Variants in BRCA1 observed in about 807,000 individuals in gnomAD.
The protein encoded by BRCA1 is breast cancer type 1 susceptibility protein.
A neutral mutation model predicts 173.7 loss-of-function variants in BRCA1; 140 were observed. The observed-to-expected ratio is 0.81, with a 90% CI of 0.70 to 0.93. The LOEUF (loss-of-function observed/expected upper bound fraction) is 0.93, where lower values mean the gene tolerates loss of function less well. Ranked by LOEUF, BRCA1 falls within the 40% of genes least tolerant of loss-of-function variation. The pLI is 0.00. For synonymous variants in BRCA1, 662 were observed against 756.0 expected (o/e 0.88, Z 2.04); for missense variants, 1,983 against 2,172.5 (o/e 0.91, Z 1.73).
chr17:43,095,441 G>A (rs190128845), intron 9 of BRCA1, among the ~76,000 whole-genome samples: 64 of 152,134 alleles, frequency 4.2e-4, no homozygotes, highest in Middle Eastern at 3.4e-3. Flanking sequence ...AATTAACCGG[G>A]TGTGGTGGCA....
chr17:43,114,669 A>T (rs1264601649), intron 3 of BRCA1, among the ~76,000 whole-genome samples: 1 of 152,120 alleles, frequency 6.6e-6, no homozygotes, highest in East Asian at 1.9e-4. Context: ...GTTGTAGGGT[A>T]AGAGGGAAGT....
At chr17:43,101,933 T>C (rs1439094390) in intron 6 of BRCA1, among the ~76,000 whole-genome samples, 1 of 152,008 alleles carries the variant, frequency 6.6e-6, no homozygotes, top group Non-Finnish European at 1.5e-5. Context: ...AAAGATAGGG[T>C]CTCAGTCACC....
chr17:43,045,517 T>C lies in BRCA1; in HGVS notation c.*161A>G. The C allele has an allele frequency of 3.5e-6, 4 of 1,148,944 alleles. No homozygotes were observed. The highest frequency in any genetic ancestry group is 5.1e-6 in the Non-Finnish European group (4 of 783,594). The allele number at this position is 1,148,944 out of a possible 1,614,324, so 71.2% of individuals were successfully genotyped here. On this transcript the variant is annotated 3_prime_UTR_variant, in exon 23 of 23. Transcript: ENST00000357654. Reference sequence around the variant, plus strand: ...CAAGCAGAAAATCTTTAAGGGACCCTTGCATAGCCAGAAGTCCTTTTCAGG... The same window carrying C: ...CAAGCAGAAAATCTTTAAGGGACCCCTGCATAGCCAGAAGTCCTTTTCAGG...
chr17:43,063,595 T>C (rs962224344), intron 17 of BRCA1, among the ~76,000 whole-genome samples: 3 of 152,334 alleles, frequency 2.0e-5, no homozygotes, highest in Admixed American at 6.5e-5. Context: ...CTGCTGCACA[T>C]GGATTCCTGC....
intron 1 of BRCA1, among the ~76,000 whole-genome samples, chr17:43,146,342 T>A (rs1204481060): frequency 7.5e-6 from 1 of 132,680 alleles, no homozygotes; most frequent in Non-Finnish European, 1.6e-5. Context: ...GGAGTCTCAC[T>A]CTGTGGCCAA....
chr17:43,153,213 C>T (rs983400680), intron 1 of BRCA1, among the ~76,000 whole-genome samples: 1 of 152,132 alleles, frequency 6.6e-6, no homozygotes, highest in African/African-American at 2.4e-5. Context: ...TAACATGTTC[C>T]TCTGGAACAG....
rs772703445 is a variant in BRCA1, at chr17:43,091,716, T to C, written c.3815A>G (p.Asn1272Ser). Residue 1272 changes from asparagine to serine, a missense_variant, in exon 10 of 23, where the codon AAC becomes AGC. By Grantham distance (46) the Asn-to-Ser change is conservative. Coordinates refer to ENST00000357654, the MANE Select transcript of BRCA1 (RefSeq NM_007294.4). Reference protein sequence around the residue: ...SLKNSLNDCSNQVILAKASQE... With the variant: ...SLKNSLNDCSSQVILAKASQE... ...AGATGCCTTTGCCAATATTACCTGG[T>C]TACTGCAGTCATTTAAGCTATTCTT... The C allele has an allele frequency of 3.1e-6, 5 of 1,614,256 alleles. No individual in the cohort carries two copies. The Admixed American group carries it at 8.3e-5, about 27-fold the overall frequency.
intron 1 of BRCA1, among the ~76,000 whole-genome samples, chr17:43,143,395 A>G (rs2056093477): frequency 6.6e-6 from 1 of 152,052 alleles, no homozygotes; most frequent in South Asian, 2.1e-4. Context: ...AACTCATGGA[A>G]ACCGATGGGC....
chr17:43,162,788 G>A (rs1057273793), intron 1 of BRCA1: 1 of 152,138 alleles, frequency 6.6e-6, no homozygotes, highest in African/African-American at 2.4e-5. Context: ...GGTGTGACTG[G>A]AGCAGAGCTT....
At chr17:43,079,358 T>C in intron 12 of BRCA1, 1 of 1,597,304 alleles carries the variant, frequency 6.3e-7, no homozygotes, top group Non-Finnish European at 8.5e-7. Context: ...CTAGGCCTTT[T>C]AGAAAACATG....
At chr17:43,091,074 A>G (rs2154260177) in intron 10 of BRCA1, 42 bp from the exon 11 acceptor site, 1 of 1,542,504 alleles carries the variant, frequency 6.5e-7, no homozygotes, top group Non-Finnish European at 8.9e-7. Context: ...AAAGCAGACT[A>G]TAAACGCTGC....
chr17:43,049,299 A>G lies in BRCA1; in HGVS notation c.5333-105T>C, dbSNP rs555270550. 2.0e-4 allele frequency: 194 copies of G among 976,896 alleles called. No individual in the cohort carries two copies. Among genetic ancestry groups the G allele is most frequent in the Middle Eastern group, 4.1e-4 (2 of 4,878 alleles). 60.5% of individuals were successfully genotyped at this position (976,896 alleles called of 1,614,324 possible). A position where few individuals can be genotyped will look rare whatever the true frequency, so the allele number is the denominator to read the frequency against. On this transcript the variant is annotated intron_variant, in intron 20 of 22. Coordinates refer to ENST00000357654, the MANE Select transcript of BRCA1 (RefSeq NM_007294.4). ...TGAAGGCTTATAGCAAGACCTCTCA[A>G]TGGGAGAGTCTGTCTCTCTGCTCCA...
At chr17:43,073,344 T>G (rs1244382705) in intron 14 of BRCA1, among the ~76,000 whole-genome samples, 1 of 152,106 alleles carries the variant, frequency 6.6e-6, no homozygotes, top group African/African-American at 2.4e-5. Flanking sequence ...TCAGCAGATA[T>G]CATTACCAAA....
chr17:43,156,198 C>T (rs1259224995), intron 1 of BRCA1, among the ~76,000 whole-genome samples: 2 of 151,782 alleles, frequency 1.3e-5, no homozygotes, highest in African/African-American at 2.4e-5. Context: ...GATTGTGCCA[C>T]TGTACTCCAG....
intron 11 of BRCA1, among the ~76,000 whole-genome samples, chr17:43,084,417 C>T (rs926675560): frequency 1.3e-5 from 2 of 152,120 alleles, no homozygotes; most frequent in Admixed American, 6.6e-5. Context: ...CTGCCCGCCT[C>T]GGCCTCCCAA....
upstream of BRCA1, among the ~76,000 whole-genome samples, chr17:43,126,226 G>A (rs1432122484): frequency 2.0e-5 from 3 of 152,324 alleles, no homozygotes; most frequent in East Asian, 5.8e-4. Flanking sequence ...TTATTTTTCG[G>A]GTTCAGCTTG....
At chr17:43,120,373 A>G (rs1597917790) in intron 2 of BRCA1, among the ~76,000 whole-genome samples, 1 of 152,378 alleles carries the variant, frequency 6.6e-6, no homozygotes, top group South Asian at 2.1e-4. Flanking sequence ...ATATTAAGAC[A>G]TAACTGCAAA....
In BRCA1 at chr17:43,057,058, G is replaced by A. The variant is rs1597810460; in HGVS notation, c.5271C>T (p.Asp1757=). The A allele has an allele frequency of 6.2e-7, 1 of 1,614,004 alleles. No individual in the cohort carries two copies. Among genetic ancestry groups the A allele is most frequent in the Non-Finnish European group, 8.5e-7 (1 of 1,179,910 alleles). ...TTGAGGGAGGGAGCTTTACCTTTCT[G>A]TCCTGGGATTCTCTTGCTCGCTTTG... ...QGPKRARESQ[D]RKIFRGLEIC... The change falls in exon 19 of 23, where the codon GAC becomes GAT. Residue 1757 remains aspartate (D), a synonymous_variant. Coordinates refer to ENST00000357654, the MANE Select transcript of BRCA1 (RefSeq NM_007294.4).
rs759419385 is a variant in BRCA1 at position 43,094,580 on chromosome 17, T to C, written c.951A>G (p.Gln317=). 3 of 1,614,226 alleles carry C rather than the reference T, an allele frequency of 1.9e-6. No homozygotes were observed. Among genetic ancestry groups the C allele is most frequent in the East Asian group, 4.5e-5 (2 of 44,888 alleles). ...KSKQPGLARS[Q]HNRWAGSKET... ...CCTTACTTCCAGCCCATCTGTTATGTTGGCTCCTTGCTAAGCCAGGCTGTT... is the reference window on the plus strand; with the variant it reads ...CCTTACTTCCAGCCCATCTGTTATGCTGGCTCCTTGCTAAGCCAGGCTGTT... Residue 317 remains glutamine (Q), a synonymous_variant, in exon 10 of 23, where the codon CAA becomes CAG. Coordinates refer to ENST00000357654, the MANE Select transcript of BRCA1 (RefSeq NM_007294.4).
Sources: gnomAD v4.1 joint callset for allele counts (sites outside exome capture counted in the v4.1 genomes callset) on GRCh38, gnomAD v4.1.1 for gene constraint, MANE v1.5 for transcripts, NCBI Gene and HGNC (gene_info 2026-07-23, HGNC 2026-07-21) for gene names.